The following ANKFN1 variants were observed in gnomAD, a reference collection of about 807,000 sequenced individuals.
ANKFN1 encodes the protein ankyrin repeat and fibronectin type III domain containing 1, also known as ankyrin repeat and fibronectin type-III domain-containing protein 1.
ANKFN1 carries 74 observed loss-of-function variants against 108.7 expected under a neutral mutation model. The observed-to-expected ratio is 0.68, with a 90% CI of 0.56 to 0.83. The LOEUF is 0.83. Ranked by LOEUF, ANKFN1 falls within the 40% of genes least tolerant of loss-of-function variation. ANKFN1 has a pLI of 0.00. For synonymous variants in ANKFN1, 547 were observed against 516.2 expected, an observed-to-expected ratio of 1.06 and a Z score of -0.81; for missense variants, 1,505 against 1,382.3, an observed-to-expected ratio of 1.09 and a Z score of -1.41.
chr17:56,418,435 G>A (rs1292124583), intron 8 of ANKFN1, among the ~76,000 whole-genome samples: 1 of 152,156 alleles, frequency 6.6e-6, no homozygotes, highest in Non-Finnish European at 1.5e-5. Flanking sequence ...TAAGAGTAAT[G>A]CAGAGTGAAG....
chr17:56,152,577 C>T (rs1364544115), upstream of ANKFN1, among the ~76,000 whole-genome samples: 1 of 152,098 alleles, frequency 6.6e-6, no homozygotes, highest in Admixed American at 6.5e-5. Flanking sequence ...AGGTAAGCCA[C>T]ATCTGCTGAG....
At chr17:56,494,760 G>T (rs1472894589) in intron 19 of ANKFN1, among the ~76,000 whole-genome samples, 1 of 152,026 alleles carries the variant, frequency 6.6e-6, no homozygotes, top group Non-Finnish European at 1.5e-5. Context: ...AACAACCAGA[G>T]ATATTTTTAG....
chr17:56,093,577 T>C (rs1905461173), intron 4 of ANKFN1, among the ~76,000 whole-genome samples: 1 of 151,434 alleles, frequency 6.6e-6, no homozygotes, highest in African/African-American at 2.4e-5. Flanking sequence ...ACTTCCTCAG[T>C]TCACTGCATG....
intron 8 of ANKFN1, among the ~76,000 whole-genome samples, chr17:56,422,027 G>A (rs980694543): frequency 1.3e-5 from 2 of 152,102 alleles, no homozygotes. Context: ...CCTCTCATGG[G>A]TGAAATGATG....
chr17:56,387,343 TGTG>T (rs2047304530), intron 8 of ANKFN1, among the ~76,000 whole-genome samples: 2 of 152,234 alleles, frequency 1.3e-5, no homozygotes, highest in South Asian at 4.1e-4. Flanking sequence ...AAGTTTAAAA[TGTG>T]GTGTTGTAAC....
At chr17:56,344,753 T>C (rs180941211) in intron 4 of ANKFN1, among the ~76,000 whole-genome samples, 13 of 152,140 alleles carry the variant, frequency 8.5e-5, no homozygotes, top group Admixed American at 2.0e-4. Flanking sequence ...AGTAGGATTT[T>C]CTAGAAAACC....
chr17:56,410,233 G>T (rs189264781), intron 8 of ANKFN1, among the ~76,000 whole-genome samples: 1 of 152,018 alleles, frequency 6.6e-6, no homozygotes, highest in African/African-American at 2.4e-5. Context: ...GTGCCACCAC[G>T]CCCAGCTAAT....
At chr17:56,168,885 A>G (rs1415860955) in intron 1 of ANKFN1, among the ~76,000 whole-genome samples, 1 of 152,206 alleles carries the variant, frequency 6.6e-6, no homozygotes, top group Non-Finnish European at 1.5e-5. Flanking sequence ...GGATAAGTGG[A>G]GACAGTAGGC....
intron 3 of ANKFN1, among the ~76,000 whole-genome samples, chr17:56,300,590 G>GT (rs33957848): frequency 0.12 from 16,279 of 131,502 alleles, 1,297 homozygotes; most frequent in African/African-American, 0.25. Context: ...ACAGGAAATT[G>GT]TTTTTTTTTT....
chr17:56,267,833 C>T (rs966329777), intron 3 of ANKFN1, among the ~76,000 whole-genome samples: 5 of 152,052 alleles, frequency 3.3e-5, no homozygotes, highest in African/African-American at 9.7e-5. Context: ...CTTGTGATGC[C>T]TCTGGCTTTG....
At chr17:56,372,591 T>C (rs950742276) in intron 6 of ANKFN1, 55 bp from the exon 7 acceptor site, 1 of 1,478,808 alleles carries the variant, frequency 6.8e-7, no homozygotes, top group Admixed American at 2.0e-5. Context: ...ATCCTTCCAA[T>C]GAAGCAGCAT....
chr17:56,083,209 A>G (rs969294489), intron 4 of ANKFN1, among the ~76,000 whole-genome samples: 11 of 132,726 alleles, frequency 8.3e-5, no homozygotes, highest in African/African-American at 4.7e-4. Flanking sequence ...TGTGCCGAGA[A>G]GAATGCTTTA....
chr17:56,404,356 A>G (rs1407476854), intron 8 of ANKFN1, among the ~76,000 whole-genome samples: 1 of 151,882 alleles, frequency 6.6e-6, no homozygotes, highest in Admixed American at 6.6e-5. Context: ...CCTTGTTCAT[A>G]TTTTCTTATT....
intron 3 of ANKFN1, among the ~76,000 whole-genome samples, chr17:56,231,175 A>G (rs1657787841): frequency 6.6e-6 from 1 of 152,060 alleles, no homozygotes; most frequent in Non-Finnish European, 1.5e-5. Context: ...CCTGTATTCA[A>G]CAAGCCTAGA....
intron 8 of ANKFN1, among the ~76,000 whole-genome samples, chr17:56,426,206 A>T (rs2048564667): frequency 6.6e-6 from 1 of 152,164 alleles, no homozygotes; most frequent in Non-Finnish European, 1.5e-5. Flanking sequence ...TTCCTGTCCC[A>T]CCTTGGTTAC....
At chr17:56,392,257 G>A (rs759572328) in intron 8 of ANKFN1, among the ~76,000 whole-genome samples, 7 of 152,126 alleles carry the variant, frequency 4.6e-5, no homozygotes, top group Non-Finnish European at 4.4e-5. Flanking sequence ...GCATTGTTAC[G>A]CAAGGGCCCA....
chr17:56,225,191 T>C (rs1316521128), intron 2 of ANKFN1, among the ~76,000 whole-genome samples: 2 of 152,134 alleles, frequency 1.3e-5, no homozygotes, highest in African/African-American at 4.8e-5. Flanking sequence ...CACTCAGTGA[T>C]GTTCCCTTGC....
chr17:56,357,134 G>A (rs2046397262), intron 6 of ANKFN1, among the ~76,000 whole-genome samples: 2 of 152,076 alleles, frequency 1.3e-5, no homozygotes, highest in African/African-American at 4.8e-5. Flanking sequence ...GATAAACCCA[G>A]GTTTCAGCCT....
intron 4 of ANKFN1, among the ~76,000 whole-genome samples, chr17:56,340,279 T>G (rs1353185916): frequency 6.6e-6 from 1 of 152,182 alleles, no homozygotes; most frequent in African/African-American, 2.4e-5. Flanking sequence ...TGATAGTTTC[T>G]TTTGCTGTGC....
Sources: allele counts gnomAD v4.1 joint callset (sites outside exome capture counted in the v4.1 genomes callset), GRCh38; gene constraint gnomAD v4.1.1; transcripts MANE v1.5; gene names NCBI Gene and HGNC (gene_info 2026-07-23, HGNC 2026-07-21).